The following ZBTB7C variants were observed in gnomAD, a reference collection of about 807,000 sequenced individuals.
ZBTB7C encodes zinc finger and BTB domain containing 7C.
ZBTB7C carries 8 observed loss-of-function variants against 25.7 expected under a neutral mutation model. The ratio of observed to expected loss-of-function variants is 0.31; its 90% confidence interval spans 0.18 to 0.56. The LOEUF (loss-of-function observed/expected upper bound fraction) is 0.56, where lower values mean the gene tolerates loss of function less well. Among genes scored for constraint, ZBTB7C ranks in the 20% least tolerant of loss-of-function variants. ZBTB7C has a pLI of 0.91. For synonymous variants in ZBTB7C, 394 were observed against 369.0 expected (o/e 1.07, Z -0.78); for missense variants, 824 against 855.2 (o/e 0.96, Z 0.46).
intron 2 of ZBTB7C, among the ~76,000 whole-genome samples, chr18:48,231,159 G>C (rs2145349456): frequency 6.6e-6 from 1 of 152,220 alleles, no homozygotes; most frequent in African/African-American, 2.4e-5. Flanking sequence ...CAGGCTCCTG[G>C]GTAAAAAGTG....
At chr18:48,216,449 G>A (rs2042824749) in intron 2 of ZBTB7C, among the ~76,000 whole-genome samples, 1 of 152,124 alleles carries the variant, frequency 6.6e-6, no homozygotes, top group Non-Finnish European at 1.5e-5. Context: ...GGCAAAATGG[G>A]CAGCGAGGGC....
rs552765495 is a variant in ZBTB7C at position 48,366,363 on chromosome 18, G to C, written c.-303-27965C>G. Among the ~76,000 whole-genome samples the C allele has an allele frequency of 5.3e-5, 8 of 152,290 alleles. No individual in the cohort carries two copies. In the South Asian group the frequency reaches 1.7e-3, roughly 32 times the overall value. On this transcript the variant is annotated intron_variant, in intron 1 of 4. Coordinates refer to ENST00000590800, the MANE Select transcript of ZBTB7C (RefSeq NM_001318841.2). ...ACTAGAAGAAAAATGTGAAAGACTA[G>C]CTGTAATATTCAGGTAGGAATGACT...
At chr18:48,072,701 A>G (rs1233157143) in intron 3 of ZBTB7C, 1 of 152,202 alleles carries the variant, frequency 6.6e-6, no homozygotes, top group Non-Finnish European at 1.5e-5. Context: ...TATTTTTAGG[A>G]TGGGATGCTT....
chr18:48,063,352 C>T (rs2037197984), intron 3 of ZBTB7C, among the ~76,000 whole-genome samples: 1 of 152,226 alleles, frequency 6.6e-6, no homozygotes, highest in South Asian at 2.1e-4. Flanking sequence ...CCATTCAATG[C>T]CAGAGGAAGA....
chr18:48,367,200 TATACACACACACACAC>T (rs2047249491), intron 1 of ZBTB7C, among the ~76,000 whole-genome samples: 1 of 66,018 alleles, frequency 1.5e-5, no homozygotes. Flanking sequence ...TATATATATA[TATACACACACACACAC>T]ACACACACAC....
chr18:48,147,387 T>A (rs2144866614), intron 3 of ZBTB7C, among the ~76,000 whole-genome samples: 2 of 152,292 alleles, frequency 1.3e-5, no homozygotes, highest in South Asian at 4.1e-4. Flanking sequence ...CCTGCTTCGG[T>A]AATTTTTAAA....
intron 1 of ZBTB7C, among the ~76,000 whole-genome samples, chr18:48,401,459 T>A (rs1165520349): frequency 6.6e-6 from 1 of 152,150 alleles, no homozygotes; most frequent in Non-Finnish European, 1.5e-5. Context: ...TCAGAGAGCT[T>A]ATGTGATGTG....
intron 1 of ZBTB7C, among the ~76,000 whole-genome samples, chr18:48,388,082 C>G (rs1352624375): frequency 6.6e-6 from 1 of 152,204 alleles, no homozygotes; most frequent in East Asian, 1.9e-4. Context: ...CCTCCTCGGC[C>G]TCCCAAAGCG....
At chr18:48,147,072 A>C (rs4258692) in intron 3 of ZBTB7C, among the ~76,000 whole-genome samples, 52,831 of 152,078 alleles carry the variant, frequency 0.35, 10,788 homozygotes, top group East Asian at 0.51. Context: ...AGTAATTTTT[A>C]TTTTTATTAA....
At chr18:48,049,683 G>A (rs962074948) in intron 3 of ZBTB7C, among the ~76,000 whole-genome samples, 4 of 152,180 alleles carry the variant, frequency 2.6e-5, no homozygotes, top group African/African-American at 9.7e-5. Flanking sequence ...GGTAATCAGA[G>A]AGGCTAAGTG....
chr18:48,300,030 G>C (rs1448154037), intron 2 of ZBTB7C, among the ~76,000 whole-genome samples: 1 of 152,164 alleles, frequency 6.6e-6, no homozygotes, highest in East Asian at 1.9e-4. Flanking sequence ...TAGTTGGGAG[G>C]TCTGGGGTGA....
Position 48,200,011 on chromosome 18 carries a change from T to G in ZBTB7C, c.-78-14016A>C, listed in dbSNP as rs12327060. 2.0e-3 allele frequency among the ~76,000 whole-genome samples: 307 copies of G among 150,680 alleles called. 4 individuals are homozygous for G. The highest frequency in any genetic ancestry group is 7.3e-3 in the African/African-American group (298 of 41,012). The stretch of plus-strand genomic sequence containing the variant: ...ATGTATTTGTGTGTGTGTGTGTGTG[T>G]GTGTGTGTGTAATTTTTTTTTGACT... On this transcript the variant is annotated intron_variant, in intron 2 of 4. Transcript: ENST00000590800.
intron 2 of ZBTB7C, among the ~76,000 whole-genome samples, chr18:48,285,348 T>C (rs2144657912): frequency 6.6e-6 from 1 of 152,384 alleles, no homozygotes; most frequent in Non-Finnish European, 1.5e-5. Flanking sequence ...ATGATTATTA[T>C]ATGTCCTAGC....
intron 2 of ZBTB7C, among the ~76,000 whole-genome samples, chr18:48,304,223 C>T (rs1370801551): frequency 6.6e-6 from 1 of 152,248 alleles, no homozygotes; most frequent in Non-Finnish European, 1.5e-5. Context: ...GGGTACCTTG[C>T]ACCTGGTGTA....
At chr18:48,191,233 G>T (rs2042187190) in intron 2 of ZBTB7C, among the ~76,000 whole-genome samples, 1 of 152,176 alleles carries the variant, frequency 6.6e-6, no homozygotes, top group Admixed American at 6.5e-5. Flanking sequence ...AGTGTCTGTG[G>T]CTGGGAGGAT....
chr18:48,075,211 T>C (rs1442397343), intron 3 of ZBTB7C, among the ~76,000 whole-genome samples: 2 of 152,222 alleles, frequency 1.3e-5, no homozygotes, highest in Non-Finnish European at 2.9e-5. Flanking sequence ...GCTGGGTAGA[T>C]GGCACTGCCA....
intron 3 of ZBTB7C, among the ~76,000 whole-genome samples, chr18:48,058,346 G>C (rs746163703): frequency 6.6e-6 from 1 of 152,150 alleles, no homozygotes; most frequent in Non-Finnish European, 1.5e-5. Context: ...CCCTTTGTGG[G>C]ACCCTGCCAT....
At chr18:48,077,373 C>G (rs1350192035) in intron 3 of ZBTB7C, among the ~76,000 whole-genome samples, 1 of 151,986 alleles carries the variant, frequency 6.6e-6, no homozygotes, top group Non-Finnish European at 1.5e-5. Context: ...TTAAAAACAC[C>G]CTACTGGTGA....
At chr18:48,367,325 T>C (rs1254788726) in intron 1 of ZBTB7C, among the ~76,000 whole-genome samples, 5 of 110,172 alleles carry the variant, frequency 4.5e-5, no homozygotes, top group African/African-American at 2.1e-4. Flanking sequence ...TATATGTGTG[T>C]ATATATATAC....
Sources: gnomAD v4.1 joint callset for allele counts (sites outside exome capture counted in the v4.1 genomes callset) on GRCh38, gnomAD v4.1.1 for gene constraint, MANE v1.5 for transcripts, NCBI Gene and HGNC (gene_info 2026-07-23, HGNC 2026-07-21) for gene names.